Variants in PTPRD observed in about 807,000 individuals in gnomAD.
PTPRD encodes the protein protein tyrosine phosphatase receptor type D.
In PTPRD, 34 loss-of-function variants were observed where a neutral mutation model predicts 214.5. That is an observed-to-expected ratio of 0.16 (90% CI 0.12 to 0.21). The LOEUF is 0.21. Ranked by LOEUF, PTPRD falls within the 10% of genes least tolerant of loss-of-function variation. The pLI, the probability that PTPRD is intolerant of heterozygous loss-of-function variation, is 1.00. For missense variants in PTPRD, 2,545 were observed against 2,398.7 expected (o/e 1.06, Z -1.27); for synonymous variants, 1,128 against 845.7 (o/e 1.33, Z -5.79).
At chr9:8,524,466 A>G (rs2097961671) in intron 18 of PTPRD, among the ~76,000 whole-genome samples, 1 of 152,208 alleles carries the variant, frequency 6.6e-6, no homozygotes, top group African/African-American at 2.4e-5. Context: ...TAGCAGCTTT[A>G]TCCTTACAGT....
intron 3 of PTPRD, among the ~76,000 whole-genome samples, chr9:10,079,669 T>G (rs2098200313): frequency 6.6e-6 from 1 of 152,182 alleles, no homozygotes; most frequent in East Asian, 1.9e-4. Context: ...TTGTTTCATC[T>G]GTTAAACCCC....
At chr9:8,590,773 G>C (rs897456322) in intron 14 of PTPRD, among the ~76,000 whole-genome samples, 1 of 152,158 alleles carries the variant, frequency 6.6e-6, no homozygotes, top group African/African-American at 2.4e-5. Context: ...AAACCAAACA[G>C]AATAGTTCTG....
chr9:9,274,023 C>A (rs1228599020), intron 9 of PTPRD, among the ~76,000 whole-genome samples: 2 of 151,268 alleles, frequency 1.3e-5, no homozygotes, highest in African/African-American at 4.8e-5. Context: ...TATAATCCAA[C>A]AAAATGAAAC....
chr9:10,382,775 T>C (rs1464400484), intron 2 of PTPRD, among the ~76,000 whole-genome samples: 2 of 151,842 alleles, frequency 1.3e-5, no homozygotes, highest in Admixed American at 6.6e-5. Context: ...AAAATAAATA[T>C]AACGGCATTT....
At chr9:9,860,874 C>G (rs1323475990) in intron 5 of PTPRD, among the ~76,000 whole-genome samples, 1 of 152,162 alleles carries the variant, frequency 6.6e-6, no homozygotes, top group African/African-American at 2.4e-5. Flanking sequence ...CTTTAACTAG[C>G]ATCACAAAAT....
chr9:10,561,823 T>C (rs1767624970), intron 2 of PTPRD, among the ~76,000 whole-genome samples: 1 of 152,130 alleles, frequency 6.6e-6, no homozygotes, highest in South Asian at 2.1e-4. Context: ...ACTCTTGGCT[T>C]TTAATATTAA....
intron 3 of PTPRD, among the ~76,000 whole-genome samples, chr9:10,283,580 T>C (rs765198432): frequency 1.3e-5 from 2 of 152,172 alleles, no homozygotes; most frequent in South Asian, 2.1e-4. Context: ...AGTTTCACTA[T>C]GGTATAATCA....
At chr9:9,058,541 TG>T (rs1178854229) in intron 10 of PTPRD, among the ~76,000 whole-genome samples, 1 of 130,686 alleles carries the variant, frequency 7.7e-6, no homozygotes, top group Non-Finnish European at 1.6e-5. Context: ...CTCCGCCCCC[TG>T]GGGTTCACGC....
chr9:9,808,511 T>C (rs909412419), intron 5 of PTPRD, among the ~76,000 whole-genome samples: 3 of 152,188 alleles, frequency 2.0e-5, no homozygotes, highest in Admixed American at 1.3e-4. Flanking sequence ...GCTTTGTATC[T>C]ATTTTTCTGA....
At chr9:10,213,337 G>A (rs954562829) in intron 3 of PTPRD, among the ~76,000 whole-genome samples, 2 of 152,082 alleles carry the variant, frequency 1.3e-5, no homozygotes, top group East Asian at 1.9e-4. Context: ...AGGATAATCA[G>A]GGAATGTTTC....
chr9:9,449,529 A>C (rs911319197), intron 8 of PTPRD, among the ~76,000 whole-genome samples: 2 of 151,992 alleles, frequency 1.3e-5, no homozygotes, highest in Non-Finnish European at 2.9e-5. Context: ...GCCCTGATGG[A>C]GTACAGCCTC....
At chr9:8,934,480 T>TATATATATAA (rs1555547166) in intron 11 of PTPRD, among the ~76,000 whole-genome samples, 324 of 7,830 alleles carry the variant, frequency 0.041, 36 homozygotes, top group African/African-American at 0.12. Context: ...TATATATAAA[T>TATATATATAA]ATATATATAT....
At chr9:9,470,433 T>C (rs2094510061) in intron 8 of PTPRD, among the ~76,000 whole-genome samples, 1 of 152,234 alleles carries the variant, frequency 6.6e-6, no homozygotes, top group Non-Finnish European at 1.5e-5. Flanking sequence ...AATATTGTTA[T>C]TTAGCAGAAA....
intron 2 of PTPRD, among the ~76,000 whole-genome samples, chr9:10,506,511 G>C (rs1335334433): frequency 6.6e-6 from 1 of 152,076 alleles, no homozygotes; most frequent in Non-Finnish European, 1.5e-5. Context: ...AAGGATAAAT[G>C]CTTGAGGTGA....
chr9:8,497,291 G>A (rs770823041), intron 25 of PTPRD, 23 bp from the exon 26 acceptor site: 1 of 1,579,674 alleles, frequency 6.3e-7, no homozygotes, highest in Non-Finnish European at 8.6e-7. Context: ...AAGAAGGTTG[G>A]GAGGAAAACA....
At chr9:8,368,644 C>T (rs1329230571) in intron 39 of PTPRD, among the ~76,000 whole-genome samples, 1 of 149,454 alleles carries the variant, frequency 6.7e-6, no homozygotes, top group Non-Finnish European at 1.5e-5. Flanking sequence ...CACTTTATAC[C>T]TACTGGGGAC....
intron 3 of PTPRD, among the ~76,000 whole-genome samples, chr9:10,277,196 AAAACAT>A (rs1402680376): frequency 2.0e-5 from 3 of 152,208 alleles, no homozygotes; most frequent in East Asian, 1.9e-4. Context: ...ACATAAACAT[AAAACAT>A]AAACATAAAC....
At chr9:8,676,010 C>T (rs1215119346) in intron 12 of PTPRD, among the ~76,000 whole-genome samples, 1 of 152,152 alleles carries the variant, frequency 6.6e-6, no homozygotes, top group Non-Finnish European at 1.5e-5. Flanking sequence ...ACCTGAGCCC[C>T]GTCGTTCTAT....
intron 6 of PTPRD, among the ~76,000 whole-genome samples, chr9:9,739,638 A>T (rs1312614336): frequency 6.6e-6 from 1 of 151,764 alleles, no homozygotes; most frequent in Admixed American, 6.6e-5. Flanking sequence ...TAAAAAAAAA[A>T]GCCAGTTGTG....
Sources: allele counts gnomAD v4.1 joint callset (sites outside exome capture counted in the v4.1 genomes callset), GRCh38; gene constraint gnomAD v4.1.1; transcripts MANE v1.5; gene names NCBI Gene and HGNC (gene_info 2026-07-23, HGNC 2026-07-21).